The following FGFR4 variants were observed in gnomAD, a reference collection of about 807,000 sequenced individuals.
FGFR4 encodes fibroblast growth factor receptor 4.
FGFR4 carries 63 observed loss-of-function variants against 89.9 expected under a neutral mutation model. The observed-to-expected ratio is 0.70, with a 90% confidence interval of 0.57 to 0.86. The LOEUF (loss-of-function observed/expected upper bound fraction) is 0.86, where lower values mean the gene tolerates loss of function less well. Among genes scored for constraint, FGFR4 ranks in the 40% least tolerant of loss-of-function variants. The pLI, the probability that FGFR4 is intolerant of heterozygous loss-of-function variation, is 0.00. For synonymous variants in FGFR4, 486 were observed against 479.4 expected (o/e 1.01, Z -0.18); for missense variants, 928 against 1,106.7 (o/e 0.84, Z 2.29).
At chr5:177,092,557 C>G (rs1275732207) in intron 7 of FGFR4, 46 bp downstream of exon 7, 1 of 1,563,702 alleles carries the variant, frequency 6.4e-7, no homozygotes, top group African/African-American at 1.4e-5. Context: ...TCTTCTCCCA[C>G]CTTGGGTTGG....
chr5:177,090,370 C>T lies in FGFR4; in HGVS notation c.92-20C>T, dbSNP rs768296947. On this transcript the variant is annotated intron_variant, in intron 2 of 17. Coordinates refer to ENST00000292408, the MANE Select transcript of FGFR4 (RefSeq NM_213647.3). ...CAGATGGGGCTGCGGGGTCTGCTGACCTCTGCCCTCTGCCCACAGAGCCCT... is the reference window on the plus strand; with the variant it reads ...CAGATGGGGCTGCGGGGTCTGCTGATCTCTGCCCTCTGCCCACAGAGCCCT... The T allele has an allele frequency of 6.3e-7, 1 of 1,599,940 alleles. No homozygotes were observed. Among genetic ancestry groups the T allele is most frequent in the Non-Finnish European group, 8.5e-7 (1 of 1,179,912 alleles).
Position 177,095,093 on chromosome 5 carries a change from A to G in FGFR4, c.1520-237A>G. ...GGCCTGCCTCTTAGATCCTTGATAC[A>G]GTTGCATCCTTGCAACTGCTGTGAC... On this transcript the variant is annotated intron_variant, in intron 11 of 17. Coordinates refer to ENST00000292408, the MANE Select transcript of FGFR4 (RefSeq NM_213647.3). The surrounding 1 kb of genome is among the most constrained non-coding windows in gnomAD (Gnocchi z 5.7). 1 of 529,452 alleles carries G rather than the reference A, an allele frequency of 1.9e-6. No individual in the cohort carries two copies. 32.8% of individuals were successfully genotyped at this position (529,452 alleles called of 1,614,324 possible).
intron 5 of FGFR4, 31 bp downstream of exon 5, chr5:177,091,135 C>G (rs1215963416): frequency 1.3e-6 from 2 of 1,510,956 alleles, no homozygotes; most frequent in Non-Finnish European, 8.9e-7. Flanking sequence ...ACCGTCTGCT[C>G]CCCCATTTTC....
chr5:177,093,242 G>T lies in FGFR4; in HGVS notation c.1162G>T (p.Gly388Trp). 5.6e-6 allele frequency: 9 copies of T among 1,612,524 alleles called. No homozygotes were observed. The highest frequency in any genetic ancestry group is 7.6e-6 in the Non-Finnish European group (9 of 1,179,154). Residue 388 changes from glycine to tryptophan, a missense_variant, in exon 9 of 18, where the codon GGG becomes TGG. Around this residue, in one of 5 missense-constraint regions of FGFR4, gnomAD observed 741 missense variants for 836.9 expected, o/e 0.89. Coordinates refer to ENST00000292408, the MANE Select transcript of FGFR4 (RefSeq NM_213647.3). This position sits in a 1 kb window ranked among gnomAD's most constrained non-coding sequence, Gnocchi z 5.8. Reference protein sequence around the residue: ...LALAVLLLLAGLYRGQALHGR... With the variant: ...LALAVLLLLAWLYRGQALHGR... Reference sequence around the variant, plus strand: ...CTTGGCTGTGCTCCTGCTGCTGGCCGGGCTGTATCGAGGGCAGGCGCTCCA... The same window carrying T: ...CTTGGCTGTGCTCCTGCTGCTGGCCTGGCTGTATCGAGGGCAGGCGCTCCA...
At chr5:177,090,042 A>T in intron 2 of FGFR4, 1 of 662,512 alleles carries the variant, frequency 1.5e-6, no homozygotes, top group Non-Finnish European at 2.8e-6. Context: ...AAGCATTATG[A>T]GGGTGATATG....
rs1410493748 is a variant in FGFR4 at position 177,092,688 on chromosome 5, C to T, written c.961C>T (p.Arg321Trp). 3.7e-6 allele frequency: 6 copies of T among 1,613,688 alleles called. No homozygotes were observed. Among genetic ancestry groups the T allele is most frequent in the East Asian group, 4.5e-5 (2 of 44,898 alleles). Reference sequence around the variant, plus strand: ...CTCAGAGGTGGAGGTCCTGTACCTGCGGAACGTGTCAGCCGAGGACGCAGG... The same window carrying T: ...CTCAGAGGTGGAGGTCCTGTACCTGTGGAACGTGTCAGCCGAGGACGCAGG... ...NSSEVEVLYL[R>W]NVSAEDAGEY... Residue 321 changes from arginine to tryptophan, a missense_variant, in exon 8 of 18, where the codon CGG becomes TGG. Physicochemically the swap from Arg to Trp is moderately radical, Grantham distance 101 (BLOSUM62 -3). Around this residue, in one of 5 missense-constraint regions of FGFR4, gnomAD observed 741 missense variants for 836.9 expected, o/e 0.89. Transcript: ENST00000292408.
chr5:177,089,557 G>A lies in FGFR4; in HGVS notation c.-46G>A. On this transcript the variant is annotated 5_prime_UTR_variant, in exon 2 of 18. Coordinates refer to ENST00000292408, the MANE Select transcript of FGFR4 (RefSeq NM_213647.3). ...TTTCCCTCCCTATTTTAGGAAGGCA[G>A]TTGGTGGGAAGTCCAGCTTGGGTCC... 1 of 1,585,932 alleles carries A rather than the reference G, an allele frequency of 6.3e-7. No homozygotes were observed. Among genetic ancestry groups the A allele is most frequent in the South Asian group, 1.1e-5 (1 of 88,998 alleles).
chr5:177,093,072 G>T lies in FGFR4; in HGVS notation c.1058-66G>T. The T allele has an allele frequency of 1.3e-6, 2 of 1,592,172 alleles. No individual in the cohort carries two copies. The highest frequency in any genetic ancestry group is 1.7e-6 in the Non-Finnish European group (2 of 1,161,466). On this transcript the variant is annotated intron_variant, in intron 8 of 17. Transcript: ENST00000292408. The surrounding 1 kb of genome is among the most constrained non-coding windows in gnomAD (Gnocchi z 5.8). ...GAGCTGGGAGGGACTGAGTTAGGGTGCACGGGGCGGCCAGTCTCACCACTG... is the reference window on the plus strand; with the variant it reads ...GAGCTGGGAGGGACTGAGTTAGGGTTCACGGGGCGGCCAGTCTCACCACTG...
At position 177,096,106 on chromosome 5, in the gene FGFR4, A is replaced by C. The variant is rs756238859; in HGVS notation, c.1871A>C (p.Asn624Thr). 42 of 1,614,008 alleles carry C rather than the reference A, an allele frequency of 2.6e-5. No individual in the cohort carries two copies. In the East Asian group the frequency reaches 9.4e-4, roughly 36 times the overall value. ...CGCAATGTGCTGGTGACTGAGGACAATGTGATGAAGATTGCTGACTTTGGG... is the reference window on the plus strand; with the variant it reads ...CGCAATGTGCTGGTGACTGAGGACACTGTGATGAAGATTGCTGACTTTGGG... ...AARNVLVTED[N>T]VMKIADFGLA... is the part of the protein sequence containing the mutation. The change falls in exon 14 of 18, where the codon AAT (asparagine) becomes ACT (threonine). Residue 624 changes from asparagine to threonine, a missense_variant. Asn to Thr is a moderately conservative substitution (Grantham distance 65). Transcript: ENST00000292408.
Position 177,091,045 on chromosome 5 carries a change from A to G in FGFR4, c.544A>G (p.Ile182Val). 3 of 1,608,258 alleles carry G rather than the reference A, an allele frequency of 1.9e-6. No individual in the cohort carries two copies. The South Asian group carries it at 3.3e-5, about 18-fold the overall frequency. ...CPAAGNPTPT[I>V]RWLKDGQAFH... ...AGCTGCAGGCAACCCCACGCCCACC[A>G]TCCGCTGGCTTAAGGATGGACAGGC... The change falls in exon 5 of 18, where the codon ATC (isoleucine) becomes GTC (valine). Residue 182 changes from isoleucine (I) to valine (V), a missense_variant. Around this residue, in one of 5 missense-constraint regions of FGFR4, gnomAD observed 741 missense variants for 836.9 expected, o/e 0.89. Coordinates refer to ENST00000292408, the MANE Select transcript of FGFR4 (RefSeq NM_213647.3).
At chr5:177,088,815 C>CGTGCCCA (rs1554162688) in intron 1 of FGFR4, among the ~76,000 whole-genome samples, 2 of 151,586 alleles carry the variant, frequency 1.3e-5, no homozygotes, top group South Asian at 4.1e-4. Flanking sequence ...CAACACTCTG[C>CGTGCCCA]GTGCCGACGC....
rs774539398 is a variant in FGFR4, at chr5:177,096,695, C to T, written c.2107C>T (p.Arg703Trp). 6.6e-5 allele frequency: 106 copies of T among 1,605,188 alleles called. No homozygotes were observed. Among genetic ancestry groups the T allele is most frequent in the African/African-American group, 3.6e-4 (27 of 74,884 alleles). ...IPVEELFSLL[R>W]EGHRMDRPPH... ...GGTGGAGGAGCTGTTCTCGCTGCTG[C>T]GGGAGGGACATCGGATGGACCGACC... The change falls in exon 16 of 18, where the codon CGG (arginine) becomes TGG (tryptophan). Residue 703 changes from arginine (R) to tryptophan (W), a missense_variant. Physicochemically the swap from Arg to Trp is moderately radical, Grantham distance 101. Around this residue, in one of 5 missense-constraint regions of FGFR4, gnomAD observed 129 missense variants for 150.8 expected, o/e 0.86. Transcript: ENST00000292408.
intron 6 of FGFR4, 80 bp downstream of exon 6, chr5:177,091,888 A>G (rs2149733108): frequency 6.4e-7 from 1 of 1,570,234 alleles, no homozygotes; most frequent in South Asian, 1.2e-5. Context: ...CTAGTCTGGC[A>G]GGCAGGATGG....
chr5:177,096,870 T>G, intron 16 of FGFR4, 129 bp downstream of exon 16: 1 of 970,360 alleles, frequency 1.0e-6, no homozygotes, highest in Non-Finnish European at 1.5e-6. Flanking sequence ...CTCCTCCTCT[T>G]CCTCTTCCTC....
chr5:177,095,612 C>A lies in FGFR4; in HGVS notation c.1710C>A (p.Pro570=), dbSNP rs371365588. Residue 570 remains proline (P), a synonymous_variant, in exon 13 of 18, where the codon CCC becomes CCA. Transcript: ENST00000292408. The surrounding 1 kb of genome is among the most constrained non-coding windows in gnomAD (Gnocchi z 5.7). ...EFLRARRPPG[P]DLSPDGPRSS... is the part of the protein sequence containing the mutation. The stretch of plus-strand genomic sequence containing the variant: ...TGCGGGCCCGGCGCCCCCCAGGCCC[C>A]GACCTCAGCCCCGACGGTCCTCGGA... 13 of 1,605,082 alleles carry A rather than the reference C, an allele frequency of 8.1e-6. No individual in the cohort carries two copies. Among genetic ancestry groups the A allele is most frequent in the South Asian group, 1.1e-5 (1 of 89,818 alleles).
At chr5:177,097,503 GC>G in intron 17 of FGFR4, 23 bp from the exon 18 acceptor site, 1 of 1,607,182 alleles carries the variant, frequency 6.2e-7, no homozygotes, top group South Asian at 1.1e-5. Flanking sequence ...CGCTGCAGAG[GC>G]TGACCAGCTC....
rs984561936 is a variant in FGFR4 at position 177,097,890 on chromosome 5, C to T, written c.*214C>T. 1.6e-5 allele frequency: 8 copies of T among 489,344 alleles called. No individual in the cohort carries two copies. The highest frequency in any genetic ancestry group is 4.9e-5 in the South Asian group (1 of 20,310). 30.3% of individuals were successfully genotyped at this position (489,344 alleles called of 1,614,324 possible). On this transcript the variant is annotated 3_prime_UTR_variant, in exon 18 of 18. Coordinates refer to ENST00000292408, the MANE Select transcript of FGFR4 (RefSeq NM_213647.3). ...TTCTGCTCGGCTTCTTGGACCTTGG[C>T]GCTTAGTCCCCATCCCGGGTTTGGC...
Position 177,091,154 on chromosome 5 carries a change from A to C in FGFR4, c.603+50A>C, listed in dbSNP as rs773856157. The C allele has an allele frequency of 2.7e-6, 4 of 1,493,394 alleles. No homozygotes were observed. In the East Asian group the frequency reaches 9.9e-5, roughly 37 times the overall value. 92.5% of individuals were successfully genotyped at this position (1,493,394 alleles called of 1,614,324 possible). A position where few individuals can be genotyped will look rare whatever the true frequency, so the allele number is the denominator to read the frequency against. On this transcript the variant is annotated intron_variant, in intron 5 of 17. Coordinates refer to ENST00000292408, the MANE Select transcript of FGFR4 (RefSeq NM_213647.3). Reference sequence around the variant, plus strand: ...TCTGCTCCCCCATTTTCATTCCTTCATCAGTCCCCTCATACCTACAAGCAT... The same window carrying C: ...TCTGCTCCCCCATTTTCATTCCTTCCTCAGTCCCCTCATACCTACAAGCAT...
rs1243603106 is a variant in FGFR4, at chr5:177,087,941, T to C, written c.-54+864T>C. On this transcript the variant is annotated intron_variant, in intron 1 of 17. Transcript: ENST00000292408. The surrounding 1 kb of genome is among the most constrained non-coding windows in gnomAD (Gnocchi z 6.1). ...CAGCGGCAGAGAGGGAGCCCTAGGATGTTGAGCTGGATCCTGCTGGGCACA... is the reference window on the plus strand; with the variant it reads ...CAGCGGCAGAGAGGGAGCCCTAGGACGTTGAGCTGGATCCTGCTGGGCACA... Among the ~76,000 whole-genome samples, 2 of 152,114 alleles carry C rather than the reference T, an allele frequency of 1.3e-5. No homozygotes were observed. The highest frequency in any genetic ancestry group is 1.3e-4 in the Admixed American group (2 of 15,274).
Sources: gnomAD v4.1 joint callset for allele counts (sites outside exome capture counted in the v4.1 genomes callset) on GRCh38, gnomAD v4.1.1 for gene constraint, gnomAD v4.1.1 regional missense constraint, Gnocchi (gnomAD v3.1) non-coding constraint, MANE v1.5 for transcripts, NCBI Gene and HGNC (gene_info 2026-07-23, HGNC 2026-07-21) for gene names.